The following RYR2 variants were observed in gnomAD, a reference collection of about 807,000 sequenced individuals.
The protein encoded by RYR2 is cardiac muscle ryanodine receptor-calcium release channel.
Under a neutral mutation model 601.1 loss-of-function variants are expected in RYR2, and 227 were observed. The observed-to-expected ratio is 0.38, with a 90% CI of 0.34 to 0.42. The LOEUF (loss-of-function observed/expected upper bound fraction) is 0.42, where lower values mean the gene tolerates loss of function less well. Ranked by LOEUF, RYR2 falls within the 10% of genes least tolerant of loss-of-function variation. The pLI is 1.00. For synonymous variants in RYR2, 2,223 were observed against 2,175.1 expected, an observed-to-expected ratio of 1.02 and a Z score of -0.61; for missense variants, 4,646 against 6,156.5, an observed-to-expected ratio of 0.75 and a Z score of 8.21.
chr1:237,131,483 A>T (rs1672166985), intron 1 of RYR2, among the ~76,000 whole-genome samples: 1 of 152,144 alleles, frequency 6.6e-6, no homozygotes, highest in Non-Finnish European at 1.5e-5. Context: ...GATGGCCCAG[A>T]TATTTGAACT....
In RYR2 at chr1:237,687,519, GA is replaced by G. The variant is rs1686534993; in HGVS notation, c.9067+21del. ...TTCACTATTTGGTAAGGAGACCCTT[GA>G]AAAAATACAAGCATGGCCATCACTT... On this transcript the variant is annotated intron_variant, in intron 63 of 104. Coordinates refer to ENST00000366574, the MANE Select transcript of RYR2 (RefSeq NM_001035.3). The G allele has an allele frequency of 2.5e-6, 4 of 1,597,956 alleles. No individual in the cohort carries two copies. The highest frequency in any genetic ancestry group is 3.4e-6 in the Non-Finnish European group (4 of 1,167,934).
chr1:237,395,648 G>C (rs1460279980), intron 10 of RYR2, among the ~76,000 whole-genome samples: 4 of 148,876 alleles, frequency 2.7e-5, no homozygotes, highest in Admixed American at 1.4e-4. Flanking sequence ...CCGGGTTCAT[G>C]CCATTCTCCT....
At chr1:237,144,213 C>G (rs149301258) in intron 1 of RYR2, among the ~76,000 whole-genome samples, 29 of 152,180 alleles carry the variant, frequency 1.9e-4, no homozygotes, top group South Asian at 8.3e-4. Context: ...GAAATCTGAC[C>G]CTTTTATATA....
At chr1:237,189,847 A>G (rs1321643216) in intron 1 of RYR2, among the ~76,000 whole-genome samples, 1 of 151,524 alleles carries the variant, frequency 6.6e-6, no homozygotes, top group African/African-American at 2.4e-5. Context: ...TTAATTTTTG[A>G]GAAAATTCCA....
At chr1:237,219,087 A>G (rs902475389) in intron 1 of RYR2, among the ~76,000 whole-genome samples, 5 of 143,866 alleles carry the variant, frequency 3.5e-5, no homozygotes, top group African/African-American at 1.3e-4. Flanking sequence ...ATCTCGGCTC[A>G]CCACACCTCT....
chr1:237,382,377 A>G (rs1191787499), intron 8 of RYR2, among the ~76,000 whole-genome samples: 3 of 152,048 alleles, frequency 2.0e-5, no homozygotes, highest in African/African-American at 7.2e-5. Context: ...TTTATTTTTT[A>G]TTGTTATTTT....
chr1:237,706,805 A>G, intron 67 of RYR2, 144 bp from the exon 68 acceptor site: 1 of 670,550 alleles, frequency 1.5e-6, no homozygotes, highest in South Asian at 1.8e-5. Context: ...AGCTACCTTG[A>G]AACACAGGAG....
intron 46 of RYR2, among the ~76,000 whole-genome samples, chr1:237,640,327 T>C (rs942880790): frequency 6.6e-6 from 1 of 152,170 alleles, no homozygotes; most frequent in African/African-American, 2.4e-5. Context: ...GAACATGTAA[T>C]TATATTTTCC....
At chr1:237,392,932 G>A (rs984277420) in intron 10 of RYR2, among the ~76,000 whole-genome samples, 10 of 152,162 alleles carry the variant, frequency 6.6e-5, no homozygotes, top group Admixed American at 6.6e-4. Context: ...AAGTTACAAA[G>A]TTTATTTTCT....
chr1:237,216,641 G>A (rs1177266133), intron 1 of RYR2, among the ~76,000 whole-genome samples: 1 of 151,832 alleles, frequency 6.6e-6, no homozygotes, highest in Non-Finnish European at 1.5e-5. Flanking sequence ...GAAGGCTGAG[G>A]CAGGAGAATG....
chr1:237,443,357 T>C (rs1355529409), intron 13 of RYR2, among the ~76,000 whole-genome samples: 1 of 152,214 alleles, frequency 6.6e-6, no homozygotes, highest in East Asian at 1.9e-4. Context: ...TGAGGACAGT[T>C]GAAATTGTTT....
At chr1:237,817,828 T>C (rs1175726432) in intron 100 of RYR2, among the ~76,000 whole-genome samples, 1 of 152,176 alleles carries the variant, frequency 6.6e-6, no homozygotes, top group Admixed American at 6.5e-5. Flanking sequence ...TTTGTCCCCA[T>C]CATTCTGGTC....
intron 1 of RYR2, among the ~76,000 whole-genome samples, chr1:237,109,367 G>A (rs1669162154): frequency 6.6e-6 from 1 of 151,638 alleles, no homozygotes; most frequent in Non-Finnish European, 1.5e-5. Flanking sequence ...AGTTGGCAAA[G>A]AATATGCAGT....
At chr1:237,289,909 C>G (rs1036597975) in intron 2 of RYR2, among the ~76,000 whole-genome samples, 12 of 152,078 alleles carry the variant, frequency 7.9e-5, no homozygotes, top group Non-Finnish European at 1.5e-5. Flanking sequence ...CATGTTTTTT[C>G]CAGTAGGTAA....
intron 2 of RYR2, among the ~76,000 whole-genome samples, chr1:237,308,602 C>T (rs1694147448): frequency 6.6e-6 from 1 of 152,132 alleles, no homozygotes; most frequent in Non-Finnish European, 1.5e-5. Flanking sequence ...TTCTGATGCT[C>T]AGATGTGTTC....
chr1:237,270,949 A>G (rs1185346203), intron 2 of RYR2, among the ~76,000 whole-genome samples: 1 of 152,202 alleles, frequency 6.6e-6, no homozygotes, highest in African/African-American at 2.4e-5. Context: ...AAAGGAACCA[A>G]TAGTCTTAGG....
At chr1:237,378,153 C>T (rs1046411220) in intron 8 of RYR2, among the ~76,000 whole-genome samples, 17 of 152,106 alleles carry the variant, frequency 1.1e-4, no homozygotes, top group African/African-American at 3.9e-4. Flanking sequence ...TTTTTAAAAC[C>T]ATTAGATCTC....
At chr1:237,496,082 A>G (rs1664039377) in intron 19 of RYR2, among the ~76,000 whole-genome samples, 1 of 152,198 alleles carries the variant, frequency 6.6e-6, no homozygotes, top group South Asian at 2.1e-4. Flanking sequence ...AATATGTGGC[A>G]TCTTAGAGAA....
intron 82 of RYR2, among the ~76,000 whole-genome samples, chr1:237,759,312 T>C (rs543325955): frequency 6.6e-6 from 1 of 152,230 alleles, no homozygotes; most frequent in South Asian, 2.1e-4. Context: ...GGTCTCAAAC[T>C]CCTGACCTCA....
Sources: gnomAD v4.1 joint callset for allele counts (sites outside exome capture counted in the v4.1 genomes callset) on GRCh38, gnomAD v4.1.1 for gene constraint, MANE v1.5 for transcripts, NCBI Gene and HGNC (gene_info 2026-07-23, HGNC 2026-07-21) for gene names.